CEP63: variants seen among roughly 807,000 people sequenced by gnomAD.
CEP63 encodes the protein centrosomal protein of 63 kDa.
A neutral mutation model predicts 89.1 loss-of-function variants in CEP63; 84 were observed. The ratio of observed to expected loss-of-function variants is 0.94; its 90% confidence interval spans 0.79 to 1.13. The LOEUF (loss-of-function observed/expected upper bound fraction) is 1.13, where lower values mean the gene tolerates loss of function less well. Ranked by LOEUF, CEP63 falls within the 50% of genes most tolerant of loss-of-function variation. The pLI, the probability that CEP63 is intolerant of heterozygous loss-of-function variation, is 0.00. For missense variants in CEP63, 838 were observed against 813.3 expected (o/e 1.03, Z -0.37); for synonymous variants, 267 against 272.5 (o/e 0.98, Z 0.20).
At chr3:134,753,881 T>A in the CEP63 span, among the ~76,000 whole-genome samples, 35 of 20,598 alleles carry the variant, frequency 1.7e-3, no homozygotes, top group Admixed American at 0.033. Context: ...CATAGAAGTG[T>A]GGGACACAAA....
chr3:134,517,384 GAGAATTT>G (rs1946487659), intron 3 of CEP63, among the ~76,000 whole-genome samples: 2 of 152,194 alleles, frequency 1.3e-5, no homozygotes, highest in Non-Finnish European at 2.9e-5. Flanking sequence ...AATCATAGGG[GAGAATTT>G]TAACACATTT....
chr3:134,602,896 G>C, the CEP63 span, among the ~76,000 whole-genome samples: 1 of 152,200 alleles, frequency 6.6e-6, no homozygotes, highest in African/African-American at 2.4e-5. Flanking sequence ...ACAACTTTCT[G>C]GTTGTCACAT....
the CEP63 span, among the ~76,000 whole-genome samples, chr3:134,623,551 C>T: frequency 8.1e-5 from 12 of 148,708 alleles, no homozygotes; most frequent in East Asian, 2.3e-3. Flanking sequence ...CCCCCTTGTT[C>T]CCCCACCTTA....
chr3:134,537,399 G>A, intron 6 of CEP63, 131 bp downstream of exon 6: 2 of 683,328 alleles, frequency 2.9e-6, no homozygotes. Context: ...CTCTTGTTTA[G>A]GAAGCCTCTC....
intron 14 of CEP63, 125 bp from the exon 15 acceptor site, chr3:134,561,252 A>C (rs1957287519): frequency 9.6e-7 from 1 of 1,038,280 alleles, no homozygotes; most frequent in African/African-American, 1.6e-5. Context: ...TGAAAACCAA[A>C]AAAGTATCTT....
chr3:134,670,275 A>G, the CEP63 span, among the ~76,000 whole-genome samples: 1 of 152,184 alleles, frequency 6.6e-6, no homozygotes, highest in Non-Finnish European at 1.5e-5. Flanking sequence ...CAATATGAAC[A>G]CACTCTTCCC....
At chr3:134,772,037 TA>T in the CEP63 span, among the ~76,000 whole-genome samples, 1 of 152,186 alleles carries the variant, frequency 6.6e-6, no homozygotes, top group Non-Finnish European at 1.5e-5. Flanking sequence ...AACAAGCAGG[TA>T]AGATCAAGTT....
chr3:134,576,822 C>T (rs773978429), downstream of CEP63, among the ~76,000 whole-genome samples: 6 of 151,746 alleles, frequency 4.0e-5, no homozygotes, highest in Non-Finnish European at 7.4e-5. Flanking sequence ...CGTGGGGTGA[C>T]TTGGAGAGCC....
Position 134,584,959 on chromosome 3 carries a change from T to TTTTTTTTTGTTTTTTG in CEP63, c.1207-2491_1207-2490insGTTTTTTGTTTTTTTT, listed in dbSNP as rs1577520956. 4.0e-5 allele frequency among the ~76,000 whole-genome samples: 3 copies of TTTTTTTTTGTTTTTTG among 75,284 alleles called. No homozygotes were observed. The East Asian group carries it at 1.5e-3, about 37-fold the overall frequency. The allele number at this position is 75,284 out of a possible 152,430, so 49.4% of individuals were successfully genotyped here. A position where few individuals can be genotyped will look rare whatever the true frequency, so the allele number is the denominator to read the frequency against. On this transcript the variant is annotated intron_variant, in intron 10 of 10. Coordinates refer to the CEP63 transcript ENST00000683931. ...CATTTCTTCTAGATTTTCTAGGGTTTTTTTTTTTTTTTTTTGCATGGAGGT... is the reference window on the plus strand; with the variant it reads ...CATTTCTTCTAGATTTTCTAGGGTTTTTTTTTTTGTTTTTTGTTTTTTTTTTTTTTTGCATGGAGGT...
the CEP63 span, among the ~76,000 whole-genome samples, chr3:134,698,414 C>T: frequency 2.6e-5 from 4 of 152,204 alleles, no homozygotes; most frequent in East Asian, 3.9e-4. Context: ...TGAAGGGGGG[C>T]GGGATGTGAG....
chr3:134,545,064 G>A (rs1435778484), intron 6 of CEP63, among the ~76,000 whole-genome samples: 1 of 152,096 alleles, frequency 6.6e-6, no homozygotes, highest in Non-Finnish European at 1.5e-5. Flanking sequence ...CGCAATCTCG[G>A]CTCACTGCAA....
the CEP63 span, among the ~76,000 whole-genome samples, chr3:134,702,652 G>T: frequency 6.6e-6 from 1 of 152,008 alleles, no homozygotes; most frequent in Non-Finnish European, 1.5e-5. Context: ...TTAAAAAGTG[G>T]GCAAAGGACA....
chr3:134,578,255 T>C (rs1482775110), downstream of CEP63, among the ~76,000 whole-genome samples: 2 of 152,108 alleles, frequency 1.3e-5, no homozygotes, highest in Non-Finnish European at 2.9e-5. Flanking sequence ...AAAGCGTTCC[T>C]ATTTCTCCAC....
At chr3:134,706,255 T>C in the CEP63 span, among the ~76,000 whole-genome samples, 1 of 152,168 alleles carries the variant, frequency 6.6e-6, no homozygotes, top group Non-Finnish European at 1.5e-5. Context: ...ATTGAGGGTG[T>C]GGGAGTTTTG....
chr3:134,627,648 A>G, the CEP63 span: 2 of 941,618 alleles, frequency 2.1e-6, no homozygotes, highest in Non-Finnish European at 3.4e-6. Context: ...AGGTGGCCCC[A>G]GCCTCTCAGC....
At chr3:134,714,440 G>A in the CEP63 span, among the ~76,000 whole-genome samples, 3 of 152,260 alleles carry the variant, frequency 2.0e-5, no homozygotes, top group Middle Eastern at 3.4e-3. Flanking sequence ...TGTGTCCACT[G>A]GTGCTTTTTG....
the CEP63 span, among the ~76,000 whole-genome samples, chr3:134,727,760 T>A: frequency 2.0e-5 from 3 of 152,186 alleles, no homozygotes; most frequent in African/African-American, 7.2e-5. Context: ...ACAGAAAATG[T>A]CTATATGCAT....
the CEP63 span, among the ~76,000 whole-genome samples, chr3:134,766,392 G>A: frequency 6.6e-6 from 1 of 152,238 alleles, no homozygotes; most frequent in Non-Finnish European, 1.5e-5. Context: ...TTAGGAACCT[G>A]CTTTACCCCT....
chr3:134,545,584 A>G lies in CEP63; in HGVS notation c.556-2A>G. ...CTATTGATTGATAGTCTGTGTTTCT[A>G]GGCTCAGCTTGTCAATCGGAAACAG... On this transcript the variant is annotated splice_acceptor_variant, in intron 6 of 14. Transcript: ENST00000675561. LOFTEE classifies it high-confidence loss of function. 2 of 1,608,474 alleles carry G rather than the reference A, an allele frequency of 1.2e-6. No individual in the cohort carries two copies. Among genetic ancestry groups the G allele is most frequent in the Non-Finnish European group, 1.7e-6 (2 of 1,174,892 alleles).
Sources: allele counts gnomAD v4.1 joint callset (sites outside exome capture counted in the v4.1 genomes callset), GRCh38; gene constraint gnomAD v4.1.1; transcripts MANE v1.5; gene names NCBI Gene and HGNC (gene_info 2026-07-23, HGNC 2026-07-21).